ARHGEF38: variants seen among roughly 807,000 people sequenced by gnomAD.
ARHGEF38 encodes the protein Rho guanine nucleotide exchange factor 38, also known as Rho guanine nucleotide exchange factor (GEF) 38.
In ARHGEF38, 79 loss-of-function variants were observed where a neutral mutation model predicts 79.9. The ratio of observed to expected loss-of-function variants is 0.99; its 90% CI spans 0.82 to 1.19. The LOEUF (loss-of-function observed/expected upper bound fraction) is 1.19, where lower values mean the gene tolerates loss of function less well. Ranked by LOEUF, ARHGEF38 falls within the 50% of genes most tolerant of loss-of-function variation. The probability of loss-of-function intolerance (pLI) is 0.00; values close to 1 mark genes in which losing one functional copy is unlikely to be tolerated. For missense variants in ARHGEF38, 962 were observed against 907.2 expected, an observed-to-expected ratio of 1.06 and a Z score of -0.78; for synonymous variants, 366 against 328.3, an observed-to-expected ratio of 1.11 and a Z score of -1.24.
intron 1 of ARHGEF38, among the ~76,000 whole-genome samples, chr4:105,557,557 G>A (rs533531625): frequency 8.6e-5 from 13 of 150,572 alleles, no homozygotes; most frequent in African/African-American, 3.2e-4. Context: ...AGGTAATTAG[G>A]TATTGAGGGT....
At chr4:105,674,389 G>A (rs1731052448) in intron 13 of ARHGEF38, among the ~76,000 whole-genome samples, 1 of 152,044 alleles carries the variant, frequency 6.6e-6, no homozygotes, top group African/African-American at 2.4e-5. Flanking sequence ...TAACAACATT[G>A]TAATTAATGT....
Position 105,679,089 on chromosome 4 carries a change from A to G in ARHGEF38, c.*1152A>G. The G allele has an allele frequency of 1.9e-6, 1 of 520,470 alleles. No individual in the cohort carries two copies. Among genetic ancestry groups the G allele is most frequent in the Non-Finnish European group, 3.1e-6 (1 of 323,190 alleles). 32.2% of individuals were successfully genotyped at this position (520,470 alleles called of 1,614,324 possible). ...ATTTGTGGCCCCCACTTCTTGATCT[A>G]TTTCTGTTCCACTTCGTCTTCTACC... On this transcript the variant is annotated 3_prime_UTR_variant, in exon 14 of 14. Coordinates refer to ENST00000420470, the MANE Select transcript of ARHGEF38 (RefSeq NM_001242729.2).
In ARHGEF38 at chr4:105,618,536, G is replaced by A. The variant is rs1403793221; in HGVS notation, c.508+5029G>A. ...CTCAGGAGGCTGAGGCAGGAGAATC[G>A]CTTGAACCCAGGAGGTAGAAGTTCC... On this transcript the variant is annotated intron_variant, in intron 3 of 13. Transcript: ENST00000420470. Among the ~76,000 whole-genome samples, 3 of 152,092 alleles carry A rather than the reference G, an allele frequency of 2.0e-5. No homozygotes were observed. In the South Asian group the frequency reaches 6.2e-4, roughly 32 times the overall value.
At chr4:105,652,525 T>G (rs1327031675) in intron 7 of ARHGEF38, among the ~76,000 whole-genome samples, 1 of 152,068 alleles carries the variant, frequency 6.6e-6, no homozygotes, top group Non-Finnish European at 1.5e-5. Context: ...ATAAACAGGA[T>G]TTTGCAAGGC....
intron 13 of ARHGEF38, among the ~76,000 whole-genome samples, chr4:105,668,068 A>G (rs1056256705): frequency 6.6e-6 from 1 of 152,172 alleles, no homozygotes; most frequent in Non-Finnish European, 1.5e-5. Flanking sequence ...CATCAATAGC[A>G]CATGGGAAAT....
chr4:105,608,770 G>A lies in ARHGEF38; in HGVS notation c.385-4614G>A, dbSNP rs562236996. Among the ~76,000 whole-genome samples, 4 of 151,908 alleles carry A rather than the reference G, an allele frequency of 2.6e-5. No homozygotes were observed. In the South Asian group the frequency reaches 6.2e-4, roughly 24 times the overall value. On this transcript the variant is annotated intron_variant, in intron 2 of 13. Coordinates refer to ENST00000420470, the MANE Select transcript of ARHGEF38 (RefSeq NM_001242729.2). ...GTGCAGGTTTGTTATGTAGGTAAAC[G>A]TGTGTCATGGGGGTTTGTTGTACAC...
chr4:105,596,936 T>TA (rs1727608436), intron 2 of ARHGEF38, among the ~76,000 whole-genome samples: 1 of 152,216 alleles, frequency 6.6e-6, no homozygotes, highest in Admixed American at 6.5e-5. Flanking sequence ...CCTGATGCAC[T>TA]GCTTACTCGG....
intron 4 of ARHGEF38, chr4:105,631,824 C>A: frequency 2.8e-6 from 1 of 359,178 alleles, no homozygotes; most frequent in Non-Finnish European, 3.9e-6. Flanking sequence ...AGCTTAAAGC[C>A]AAAATCACTA....
intron 4 of ARHGEF38, 29 bp from the exon 5 acceptor site, chr4:105,636,373 TG>T (rs532090666): frequency 1.9e-4 from 80 of 411,994 alleles, no homozygotes; most frequent in South Asian, 4.3e-4. Flanking sequence ...CAGATTTACA[TG>T]AATTTACTTT....
intron 5 of ARHGEF38, among the ~76,000 whole-genome samples, chr4:105,637,129 G>A (rs547060642): frequency 1.8e-4 from 27 of 152,116 alleles, no homozygotes; most frequent in Non-Finnish European, 4.0e-4. Flanking sequence ...CAAGCTTCTA[G>A]TGTGTGTTTG....
In ARHGEF38 at chr4:105,655,605, T is replaced by C. The variant is rs1271052069; in HGVS notation, c.1116T>C (p.Asp372=). Residue 372 remains aspartate (D), a splice_region_variant and synonymous_variant, in exon 9 of 14, where the codon GAT becomes GAC. Transcript: ENST00000420470. ...NISLCLQHIQ[D]AMPLALQSVM... ...GTAACTTTGTTCTTGGGTTTCAGGA[T>C]GCCATGCCCCTGGCTCTGCAGAGTG... The C allele has an allele frequency of 2.0e-6, 3 of 1,534,572 alleles. No homozygotes were observed. In the Admixed American group the frequency reaches 5.9e-5, roughly 30 times the overall value.
chr4:105,576,461 T>C (rs534252286), intron 1 of ARHGEF38, among the ~76,000 whole-genome samples: 1 of 151,942 alleles, frequency 6.6e-6, no homozygotes, highest in South Asian at 2.1e-4. Context: ...TTTATTTGAT[T>C]CTCAGCTTGC....
intron 1 of ARHGEF38, among the ~76,000 whole-genome samples, chr4:105,577,556 T>C (rs1726566746): frequency 6.6e-6 from 1 of 151,720 alleles, no homozygotes; most frequent in African/African-American, 2.4e-5. Context: ...TGGGTTTTTG[T>C]TGTTGTTGTT....
intron 10 of ARHGEF38, among the ~76,000 whole-genome samples, chr4:105,664,300 T>G (rs1254885686): frequency 6.6e-6 from 1 of 152,246 alleles, no homozygotes; most frequent in South Asian, 2.1e-4. Flanking sequence ...AAAACATTTG[T>G]CCTTCGCTCC....
chr4:105,627,411 G>A (rs1419876393), intron 3 of ARHGEF38, among the ~76,000 whole-genome samples: 1 of 152,126 alleles, frequency 6.6e-6, no homozygotes, highest in Non-Finnish European at 1.5e-5. Context: ...AATAGAAAGA[G>A]TAGCATATGT....
chr4:105,675,152 G>T (rs540128986), intron 13 of ARHGEF38, among the ~76,000 whole-genome samples: 1 of 152,060 alleles, frequency 6.6e-6, no homozygotes, highest in Non-Finnish European at 1.5e-5. Flanking sequence ...GTCCCTCTCC[G>T]CAAGAATACA....
intron 3 of ARHGEF38, among the ~76,000 whole-genome samples, chr4:105,619,555 T>G (rs146227326): frequency 2.0e-5 from 3 of 152,274 alleles, no homozygotes; most frequent in African/African-American, 7.2e-5. Context: ...GGTGAGAGAC[T>G]AACTTATTTC....
chr4:105,621,292 T>C (rs1245978236), intron 3 of ARHGEF38, among the ~76,000 whole-genome samples: 1 of 152,180 alleles, frequency 6.6e-6, no homozygotes, highest in Non-Finnish European at 1.5e-5. Flanking sequence ...TACATAGCAA[T>C]AAATAACCCA....
intron 2 of ARHGEF38, among the ~76,000 whole-genome samples, chr4:105,611,474 T>C (rs1344299258): frequency 1.3e-5 from 2 of 151,984 alleles, no homozygotes; most frequent in African/African-American, 4.8e-5. Flanking sequence ...GCTAAATCAG[T>C]GGTACTCAGA....
Sources: allele counts gnomAD v4.1 joint callset (sites outside exome capture counted in the v4.1 genomes callset), GRCh38; gene constraint gnomAD v4.1.1; transcripts MANE v1.5; gene names NCBI Gene and HGNC (gene_info 2026-07-23, HGNC 2026-07-21).